ENOX1: variants seen among roughly 807,000 people sequenced by gnomAD.
ENOX1 encodes the protein candidate growth-related and time keeping constitutive hydroquinone (NADH) oxidase.
Under a neutral mutation model 82.5 loss-of-function variants are expected in ENOX1, and 42 were observed. The observed-to-expected ratio is 0.51, with a 90% CI of 0.40 to 0.66. The LOEUF is 0.66. Among genes scored for constraint, ENOX1 ranks in the 30% least tolerant of loss-of-function variants. ENOX1 has a pLI of 0.00. For synonymous variants in ENOX1, 271 were observed against 282.2 expected (o/e 0.96, Z 0.40); for missense variants, 608 against 811.6 (o/e 0.75, Z 3.05).
At chr13:43,393,182 T>C (rs1440422088) in intron 5 of ENOX1, among the ~76,000 whole-genome samples, 1 of 152,254 alleles carries the variant, frequency 6.6e-6, no homozygotes, top group Non-Finnish European at 1.5e-5. Flanking sequence ...CAAAACACAA[T>C]AGTACTTTGC....
chr13:43,456,018 A>C lies in ENOX1; in HGVS notation c.-75+27991T>G, dbSNP rs544896591. Among the ~76,000 whole-genome samples the C allele has an allele frequency of 4.6e-5, 7 of 152,246 alleles. No homozygotes were observed. In the East Asian group the frequency reaches 1.2e-3, roughly 25 times the overall value. ...ACGTTTGGACTATCTACTTTCTAGA[A>C]AGTTTGACTTCTATACCTCTGAATC... On this transcript the variant is annotated intron_variant, in intron 3 of 16. Coordinates refer to ENST00000690772, the MANE Select transcript of ENOX1 (RefSeq NM_001347969.2).
At chr13:43,230,744 A>G (rs2042241180) in intron 15 of ENOX1, among the ~76,000 whole-genome samples, 1 of 152,074 alleles carries the variant, frequency 6.6e-6, no homozygotes, top group Non-Finnish European at 1.5e-5. Flanking sequence ...CTGCTTAGAG[A>G]TCATTAGGTA....
intron 3 of ENOX1, among the ~76,000 whole-genome samples, chr13:43,475,794 CAAAAAAAA>C (rs10624980): frequency 1.4e-5 from 1 of 70,946 alleles, no homozygotes; most frequent in Non-Finnish European, 2.5e-5. Context: ...CATAACTGAC[CAAAAAAAA>C]AAAAAAAAAA....
rs1321741420 is a variant in ENOX1 at position 43,389,941 on chromosome 13, CA to C, written c.208+21974del. Reference sequence around the variant, plus strand: ...TTGACAGAGGGGGAGAAGGGGAGAACAAAAAAAATTTTTTGGTCTTCTGACC... The same window carrying C: ...TTGACAGAGGGGGAGAAGGGGAGAACAAAAAAATTTTTTGGTCTTCTGACC... On this transcript the variant is annotated intron_variant, in intron 5 of 16. Coordinates refer to ENST00000690772, the MANE Select transcript of ENOX1 (RefSeq NM_001347969.2). Among the ~76,000 whole-genome samples the C allele has an allele frequency of 5.3e-5, 8 of 151,822 alleles. No individual in the cohort carries two copies. In the East Asian group the frequency reaches 5.8e-4, roughly 11 times the overall value.
intron 1 of ENOX1, among the ~76,000 whole-genome samples, chr13:43,715,140 T>C (rs1319801940): frequency 1.3e-5 from 2 of 152,194 alleles, no homozygotes; most frequent in Admixed American, 6.5e-5. Flanking sequence ...TGCTTGTCTG[T>C]AAAGTATTTT....
intron 9 of ENOX1, among the ~76,000 whole-genome samples, chr13:43,338,740 CA>C (rs2048873026): frequency 8.0e-6 from 1 of 125,518 alleles, no homozygotes; most frequent in Non-Finnish European, 1.6e-5. Context: ...GGCTGGAGTG[CA>C]GTGGCGCCAT....
intron 2 of ENOX1, among the ~76,000 whole-genome samples, chr13:43,532,991 GTA>G (rs2078296113): frequency 6.6e-6 from 1 of 151,850 alleles, no homozygotes; most frequent in Non-Finnish European, 1.5e-5. Flanking sequence ...ATTTTTACGA[GTA>G]TTAAGAAGTA....
intron 5 of ENOX1, among the ~76,000 whole-genome samples, chr13:43,367,445 T>C (rs552998687): frequency 6.6e-6 from 1 of 152,188 alleles, no homozygotes; most frequent in Admixed American, 6.5e-5. Flanking sequence ...GCTGTCCTTA[T>C]AAGATGAGGA....
At chr13:43,459,474 C>G (rs1003412043) in intron 3 of ENOX1, 40 of 152,300 alleles carry the variant, frequency 2.6e-4, no homozygotes, top group African/African-American at 9.6e-4. Flanking sequence ...CAATAAACTG[C>G]TAAAAGTATT....
chr13:43,470,376 A>G lies in ENOX1; in HGVS notation c.-75+13633T>C, dbSNP rs796077074. Among the ~76,000 whole-genome samples the G allele has an allele frequency of 2.2e-3, 100 of 46,156 alleles. 11 individuals carry two copies. In the East Asian group the frequency reaches 0.059, roughly 27 times the overall value. 30.3% of individuals were successfully genotyped at this position (46,156 alleles called of 152,430 possible). A position where few individuals can be genotyped will look rare whatever the true frequency, so the allele number is the denominator to read the frequency against. ...TATGTATATATATACGTATATATAT[A>G]CATATATATACGTATATATATGTGT... On this transcript the variant is annotated intron_variant, in intron 3 of 16. Coordinates refer to ENST00000690772, the MANE Select transcript of ENOX1 (RefSeq NM_001347969.2).
intron 1 of ENOX1, among the ~76,000 whole-genome samples, chr13:43,700,362 T>C (rs767357651): frequency 8.5e-5 from 13 of 152,166 alleles, no homozygotes; most frequent in Non-Finnish European, 1.5e-4. Context: ...GGGACCAAAT[T>C]TATTTCTGAA....
intron 3 of ENOX1, among the ~76,000 whole-genome samples, chr13:43,435,863 T>A (rs2055992289): frequency 6.6e-6 from 1 of 151,834 alleles, no homozygotes; most frequent in South Asian, 2.1e-4. Flanking sequence ...AGAAAGGTGT[T>A]ATTTTCATCT....
intron 5 of ENOX1, among the ~76,000 whole-genome samples, chr13:43,395,383 G>T (rs966565297): frequency 6.6e-6 from 1 of 152,142 alleles, no homozygotes; most frequent in African/African-American, 2.4e-5. Context: ...AAGTGTGGTC[G>T]TGTGTGTTTG....
intron 2 of ENOX1, among the ~76,000 whole-genome samples, chr13:43,575,834 C>T (rs1278631816): frequency 6.6e-6 from 1 of 152,280 alleles, no homozygotes; most frequent in Non-Finnish European, 1.5e-5. Context: ...AGTGGCCTGA[C>T]AGTCATGATG....
chr13:43,649,892 G>C (rs2084076466), intron 2 of ENOX1, among the ~76,000 whole-genome samples: 1 of 152,140 alleles, frequency 6.6e-6, no homozygotes. Flanking sequence ...CTTTTCCTGG[G>C]ATCCCCTCCT....
intron 2 of ENOX1, among the ~76,000 whole-genome samples, chr13:43,616,117 GATCTAT>G (rs2082415777): frequency 6.7e-5 from 1 of 14,974 alleles, no homozygotes; most frequent in Non-Finnish European, 1.5e-4. Context: ...GATATCTATA[GATCTAT>G]AGATATCTAT....
At chr13:43,393,828 A>T (rs1301652126) in intron 5 of ENOX1, among the ~76,000 whole-genome samples, 1 of 152,172 alleles carries the variant, frequency 6.6e-6, no homozygotes, top group East Asian at 1.9e-4. Flanking sequence ...TCGAAATATG[A>T]TCTCCAGTGT....
At chr13:43,586,945 G>C (rs4942241) in intron 2 of ENOX1, among the ~76,000 whole-genome samples, 1 of 151,584 alleles carries the variant, frequency 6.6e-6, no homozygotes, top group Admixed American at 6.6e-5. Context: ...GTGGTGGCAC[G>C]TGCCTGTAAT....
At chr13:43,504,876 T>C (rs959760902) in intron 2 of ENOX1, among the ~76,000 whole-genome samples, 6 of 151,594 alleles carry the variant, frequency 4.0e-5, no homozygotes, top group African/African-American at 1.5e-4. Context: ...ATGGCATAGA[T>C]TATGGTGATG....
Sources: gnomAD v4.1 joint callset for allele counts (sites outside exome capture counted in the v4.1 genomes callset) on GRCh38, gnomAD v4.1.1 for gene constraint, MANE v1.5 for transcripts, NCBI Gene and HGNC (gene_info 2026-07-23, HGNC 2026-07-21) for gene names.